The following ACSL4 variants were observed in gnomAD, a reference collection of about 807,000 sequenced individuals.
ACSL4 encodes the protein long-chain-fatty-acid--CoA ligase 4.
Under a neutral mutation model 49.1 loss-of-function variants are expected in ACSL4, and 9 were observed. That is an observed-to-expected ratio of 0.18 (90% confidence interval 0.11 to 0.32). The LOEUF (loss-of-function observed/expected upper bound fraction) is 0.32, where lower values mean the gene tolerates loss of function less well. Among genes scored for constraint, ACSL4 ranks in the 10% least tolerant of loss-of-function variants. The pLI, the probability that ACSL4 is intolerant of heterozygous loss-of-function variation, is 1.00. For missense variants in ACSL4, 333 were observed against 493.7 expected, an observed-to-expected ratio of 0.67 and a Z score of 3.08; for synonymous variants, 191 against 170.3, an observed-to-expected ratio of 1.12 and a Z score of -0.95.
intron 1 of ACSL4, among the ~76,000 whole-genome samples, chrX:109,728,837 T>C (rs1374480362): frequency 8.9e-6 from 1 of 111,840 alleles, no homozygotes; most frequent in Non-Finnish European, 1.9e-5. Flanking sequence ...TCTGTGAAAT[T>C]CCCTGTGAAG....
chrX:109,659,280 T>C (rs773383629), intron 15 of ACSL4, 74 bp downstream of exon 15: 11 of 947,482 alleles, frequency 1.2e-5, no homozygotes, highest in Admixed American at 2.3e-5. Flanking sequence ...AGCAAACATA[T>C]TGAAGAGCCT....
At chrX:109,673,135 C>G (rs994361065) in intron 9 of ACSL4, among the ~76,000 whole-genome samples, 1 of 112,054 alleles carries the variant, frequency 8.9e-6, no homozygotes, top group South Asian at 3.7e-4. Context: ...TCGGAGATTA[C>G]TTCTTTAACA....
At chrX:109,725,059 G>C (rs1189565266) in intron 1 of ACSL4, among the ~76,000 whole-genome samples, 1 of 108,927 alleles carries the variant, frequency 9.2e-6, no homozygotes, top group Non-Finnish European at 1.9e-5. Context: ...ACCTGACCTG[G>C]GGTTTTTTTT....
chrX:109,700,990 C>T (rs903873437), intron 1 of ACSL4, among the ~76,000 whole-genome samples: 5 of 110,338 alleles, frequency 4.5e-5, no homozygotes, highest in African/African-American at 6.6e-5. Flanking sequence ...CTGCCGTGAG[C>T]CGAGATCGCA....
intron 1 of ACSL4, among the ~76,000 whole-genome samples, chrX:109,726,772 A>G (rs1928030123): frequency 8.9e-6 from 1 of 111,885 alleles, no homozygotes; most frequent in South Asian, 3.7e-4. Flanking sequence ...TCGACCTCCC[A>G]GGCTCAAGGG....
At chrX:109,720,519 GC>G (rs1396067079) in intron 1 of ACSL4, among the ~76,000 whole-genome samples, 1 of 111,554 alleles carries the variant, frequency 9.0e-6, no homozygotes, top group Admixed American at 9.6e-5. Flanking sequence ...GGAAATTTGA[GC>G]TGTATAACAT....
intron 15 of ACSL4, among the ~76,000 whole-genome samples, chrX:109,657,808 G>A (rs975091155): frequency 9.0e-6 from 1 of 111,566 alleles, no homozygotes; most frequent in Non-Finnish European, 1.9e-5. Context: ...CTTCCACAAT[G>A]GTCGAACTAG....
At chrX:109,692,990 T>A (rs992714088) in intron 2 of ACSL4, among the ~76,000 whole-genome samples, 7 of 111,600 alleles carry the variant, frequency 6.3e-5, no homozygotes, top group Non-Finnish European at 1.3e-4. Context: ...TCCAAAAAAG[T>A]CTTTAAGCAG....
rs571739589 is a variant in ACSL4 at position 109,656,437 on chromosome X, T to C, written c.1855+2917A>G. Among the ~76,000 whole-genome samples the C allele has an allele frequency of 4.5e-5, 5 of 110,846 alleles. No homozygotes were observed. In the South Asian group the frequency reaches 1.9e-3, roughly 42 times the overall value. ...GTAAAATGCAAATTGTACTATCTAT[T>C]GGAAAAGAAAAAGTGTGGTAGGGAA... On this transcript the variant is annotated intron_variant, in intron 15 of 15. Transcript: ENST00000672401.
chrX:109,691,891 A>C (rs1209098196), intron 2 of ACSL4: 3 of 111,836 alleles, frequency 2.7e-5, no homozygotes, highest in African/African-American at 9.8e-5. Flanking sequence ...AGAAAAGCAA[A>C]ACAAAACCTA....
chrX:109,662,741 A>G (rs1443423505), intron 13 of ACSL4, among the ~76,000 whole-genome samples: 1 of 111,524 alleles, frequency 9.0e-6, no homozygotes, highest in Non-Finnish European at 1.9e-5. Flanking sequence ...AATAGCCAAC[A>G]GTAAAAAAAA....
chrX:109,667,992 G>T, intron 11 of ACSL4, 109 bp downstream of exon 11: 1 of 547,030 alleles, frequency 1.8e-6, no homozygotes, highest in South Asian at 3.4e-5. Context: ...CAATGAATCT[G>T]ATATTAGTTA....
chrX:109,681,558 T>C, intron 4 of ACSL4, among the ~76,000 whole-genome samples, 183 bp from the exon 5 acceptor site: 1 of 111,808 alleles, frequency 8.9e-6, no homozygotes, highest in Non-Finnish European at 1.9e-5. Context: ...GAGCCCAAAG[T>C]TTTCCTTACA....
chrX:109,679,032 C>T (rs1226918975), intron 6 of ACSL4, among the ~76,000 whole-genome samples: 1 of 111,711 alleles, frequency 9.0e-6, no homozygotes, highest in African/African-American at 3.3e-5. Flanking sequence ...TAAAATAAGA[C>T]AGCTGGACAG....
chrX:109,706,285 T>A (rs1201717096), intron 1 of ACSL4, among the ~76,000 whole-genome samples: 1 of 112,424 alleles, frequency 8.9e-6, no homozygotes, highest in African/African-American at 3.2e-5. Flanking sequence ...AAGCACCCTA[T>A]GTGCTTCCCT....
chrX:109,720,011 A>G (rs1306890994), intron 1 of ACSL4, among the ~76,000 whole-genome samples: 1 of 108,102 alleles, frequency 9.3e-6, no homozygotes, highest in Non-Finnish European at 1.9e-5. Context: ...ACAAACAAAC[A>G]AACAAAAACA....
At chrX:109,724,474 A>T (rs181879658) in intron 1 of ACSL4, among the ~76,000 whole-genome samples, 42 of 110,566 alleles carry the variant, frequency 3.8e-4, no homozygotes, top group African/African-American at 1.2e-3. Context: ...ACAAGGTCTC[A>T]CTCTGTCACC....
intron 1 of ACSL4, among the ~76,000 whole-genome samples, chrX:109,725,837 A>G (rs989079446): frequency 8.9e-6 from 1 of 111,862 alleles, no homozygotes; most frequent in African/African-American, 3.3e-5. Context: ...TTAAGCGGAC[A>G]GTATTTTTTT....
At chrX:109,668,415 G>A in intron 10 of ACSL4, 142 bp from the exon 11 acceptor site, 2 of 469,704 alleles carry the variant, frequency 4.3e-6, no homozygotes, top group African/African-American at 2.4e-5. Flanking sequence ...AGGTTAACAA[G>A]GCAACAACTA....
Sources: gnomAD v4.1 joint callset for allele counts (sites outside exome capture counted in the v4.1 genomes callset) on GRCh38, gnomAD v4.1.1 for gene constraint, MANE v1.5 for transcripts, NCBI Gene and HGNC (gene_info 2026-07-23, HGNC 2026-07-21) for gene names.